Variants in CUL2 observed in about 807,000 individuals in gnomAD.
CUL2 encodes the protein cullin-2.
In CUL2, 22 loss-of-function variants were observed where a neutral mutation model predicts 110.2. The ratio of observed to expected loss-of-function variants is 0.20; its 90% CI spans 0.14 to 0.28. The LOEUF is 0.28. Ranked by LOEUF, CUL2 falls within the 10% of genes least tolerant of loss-of-function variation. The probability of loss-of-function intolerance (pLI) is 1.00; values close to 1 mark genes in which losing one functional copy is unlikely to be tolerated. For missense variants in CUL2, 631 were observed against 905.5 expected, an observed-to-expected ratio of 0.70 and a Z score of 3.89; for synonymous variants, 279 against 293.2, an observed-to-expected ratio of 0.95 and a Z score of 0.49.
intron 10 of CUL2, among the ~76,000 whole-genome samples, 189 bp downstream of exon 10, chr10:35,034,983 C>G (rs2085583248): frequency 6.6e-6 from 1 of 152,198 alleles, no homozygotes; most frequent in Admixed American, 6.5e-5. Context: ...CTATCAATAG[C>G]TTTCTAATAA....
chr10:35,123,322 TCA>T (rs993581175), intron 1 of CUL2, among the ~76,000 whole-genome samples: 7 of 152,158 alleles, frequency 4.6e-5, no homozygotes, highest in African/African-American at 9.7e-5. Flanking sequence ...CAAAGATAAT[TCA>T]CAGTCTCCTT....
At chr10:35,078,833 T>C (rs1294590248) in intron 1 of CUL2, among the ~76,000 whole-genome samples, 1 of 152,238 alleles carries the variant, frequency 6.6e-6, no homozygotes, top group Non-Finnish European at 1.5e-5. Context: ...TTTATTTCAG[T>C]ACTGATCAGC....
chr10:35,076,894 CA>C (rs1207229627), intron 1 of CUL2, among the ~76,000 whole-genome samples: 3 of 151,730 alleles, frequency 2.0e-5, no homozygotes, highest in Non-Finnish European at 4.4e-5. Flanking sequence ...ACTAAAAATA[CA>C]AAAAAAATTA....
chr10:35,040,140 C>A (rs1201720545), intron 8 of CUL2, among the ~76,000 whole-genome samples: 1 of 151,852 alleles, frequency 6.6e-6, no homozygotes, highest in Non-Finnish European at 1.5e-5. Context: ...GCAATAAGAG[C>A]GAGGCTCTGT....
intron 10 of CUL2, among the ~76,000 whole-genome samples, chr10:35,034,429 CA>C (rs2085566544): frequency 6.6e-6 from 1 of 152,070 alleles, no homozygotes; most frequent in South Asian, 2.1e-4. Flanking sequence ...TATTACTTGC[CA>C]AAAACCAATC....
chr10:35,016,138 T>G, intron 18 of CUL2, 54 bp downstream of exon 18: 2 of 1,449,744 alleles, frequency 1.4e-6, no homozygotes, highest in Non-Finnish European at 1.9e-6. Flanking sequence ...AAACATCTCA[T>G]GAAAAAGCTT....
Position 35,008,839 on chromosome 10 carries a change from G to C in CUL2, c.*1472C>G. The C allele has an allele frequency of 6.6e-6, 1 of 152,112 alleles. No homozygotes were observed. The highest frequency in any genetic ancestry group is 1.9e-4 in the East Asian group (1 of 5,200). The allele number at this position is 152,112 out of a possible 1,614,324, so 9.4% of individuals were successfully genotyped here. A position where few individuals can be genotyped will look rare whatever the true frequency, so the allele number is the denominator to read the frequency against. On this transcript the variant is annotated 3_prime_UTR_variant, in exon 21 of 21. Coordinates refer to ENST00000374749, the MANE Select transcript of CUL2 (RefSeq NM_003591.4). The stretch of plus-strand genomic sequence containing the variant: ...TACTAAGTAATTATTGTTTTTGTTA[G>C]GAGTAATAATATCACTGTGGATTTT...
intron 9 of CUL2, among the ~76,000 whole-genome samples, chr10:35,035,771 T>C (rs2085605941): frequency 6.6e-6 from 1 of 152,178 alleles, no homozygotes; most frequent in Non-Finnish European, 1.5e-5. Flanking sequence ...CAAGAATATA[T>C]GCAATATAAG....
At chr10:35,021,352 G>A (rs1288162429) in intron 17 of CUL2, among the ~76,000 whole-genome samples, 2 of 151,098 alleles carry the variant, frequency 1.3e-5, no homozygotes, top group Non-Finnish European at 2.9e-5. Flanking sequence ...CGCCACCCGG[G>A]TTCATGCCAT....
chr10:35,012,093 G>A (rs1216000254), intron 19 of CUL2, 129 bp from the exon 20 acceptor site: 6 of 584,340 alleles, frequency 1.0e-5, no homozygotes, highest in East Asian at 3.0e-5. Context: ...TCACTCTGTC[G>A]TCCTGGCTGG....
chr10:35,046,261 C>A (rs140526714), intron 6 of CUL2, among the ~76,000 whole-genome samples: 1 of 152,338 alleles, frequency 6.6e-6, no homozygotes, highest in Non-Finnish European at 1.5e-5. Flanking sequence ...CGTGACCTCA[C>A]ATAAGCCCAC....
chr10:35,035,690 AC>A (rs2085604371), intron 9 of CUL2, among the ~76,000 whole-genome samples: 1 of 152,186 alleles, frequency 6.6e-6, no homozygotes, highest in African/African-American at 2.4e-5. Context: ...TTTCTTAACA[AC>A]TGATGGAAAT....
intron 1 of CUL2, among the ~76,000 whole-genome samples, chr10:35,102,873 A>T (rs1483189277): frequency 2.7e-5 from 4 of 149,936 alleles, no homozygotes; most frequent in African/African-American, 9.9e-5. Flanking sequence ...ATAGAGTGAG[A>T]CTCTGTCTCA....
chr10:35,085,888 A>T (rs2087052920), intron 1 of CUL2, among the ~76,000 whole-genome samples: 1 of 152,190 alleles, frequency 6.6e-6, no homozygotes, highest in South Asian at 2.1e-4. Context: ...AAGGGTTGAA[A>T]AACGGTTGGG....
At chr10:35,076,549 C>A (rs2086821862) in intron 1 of CUL2, among the ~76,000 whole-genome samples, 1 of 152,112 alleles carries the variant, frequency 6.6e-6, no homozygotes, top group Non-Finnish European at 1.5e-5. Flanking sequence ...TCTGAAATCT[C>A]AATCTCTCTC....
chr10:35,054,998 T>C (rs2086207032), intron 4 of CUL2, among the ~76,000 whole-genome samples: 2 of 152,160 alleles, frequency 1.3e-5, no homozygotes, highest in African/African-American at 2.4e-5. Flanking sequence ...GTGTTACAGA[T>C]AGTAAGTATG....
intron 4 of CUL2, among the ~76,000 whole-genome samples, chr10:35,060,471 G>A (rs189057601): frequency 1.5e-3 from 235 of 152,218 alleles, no homozygotes; most frequent in Admixed American, 3.3e-3. Flanking sequence ...ATCTAACATC[G>A]TTTGCATCAA....
chr10:35,101,900 T>A (rs186749359), intron 1 of CUL2, among the ~76,000 whole-genome samples: 1 of 152,276 alleles, frequency 6.6e-6, no homozygotes, highest in East Asian at 1.9e-4. Flanking sequence ...AAACAGGATA[T>A]CTGTGTTGTA....
At chr10:35,108,135 A>G (rs1260111121) in intron 1 of CUL2, among the ~76,000 whole-genome samples, 1 of 152,054 alleles carries the variant, frequency 6.6e-6, no homozygotes, top group East Asian at 1.9e-4. Context: ...ATCAGTTAAG[A>G]GGCTATTGCA....
Sources: gnomAD v4.1 joint callset for allele counts (sites outside exome capture counted in the v4.1 genomes callset) on GRCh38, gnomAD v4.1.1 for gene constraint, MANE v1.5 for transcripts, NCBI Gene and HGNC (gene_info 2026-07-23, HGNC 2026-07-21) for gene names.